Variants in LHFPL5 observed in about 807,000 individuals in gnomAD.
LHFPL5 encodes LHFPL tetraspan subfamily member 5.
Under a neutral mutation model 18.7 loss-of-function variants are expected in LHFPL5, and 12 were observed. That is an observed-to-expected ratio of 0.64 (90% confidence interval 0.41 to 1.04). LHFPL5 has a LOEUF of 1.04. LHFPL5 is among the 50% of genes least tolerant of loss of function. The pLI, the probability that LHFPL5 is intolerant of heterozygous loss-of-function variation, is 0.00. For synonymous variants in LHFPL5, 111 were observed against 120.2 expected (o/e 0.92, Z 0.50); for missense variants, 259 against 292.1 (o/e 0.89, Z 0.83).
intron 2 of LHFPL5, among the ~76,000 whole-genome samples, chr6:35,816,352 AAAAAAAAAAG>A (rs1252650001): frequency 1.5e-4 from 22 of 150,932 alleles, no homozygotes; most frequent in Admixed American, 2.6e-4. Flanking sequence ...TCTCAAAAAA[AAAAAAAAAAG>A]AAAAAAAAAG....
intron 2 of LHFPL5, among the ~76,000 whole-genome samples, chr6:35,816,894 G>C (rs150232886): frequency 6.6e-6 from 1 of 151,198 alleles, no homozygotes; most frequent in Non-Finnish European, 1.5e-5. Flanking sequence ...CTATTTAATA[G>C]GGGAAAGAAT....
At chr6:35,817,636 G>T (rs1296339116) in intron 2 of LHFPL5, among the ~76,000 whole-genome samples, 14 of 152,156 alleles carry the variant, frequency 9.2e-5, no homozygotes, top group Admixed American at 9.2e-4. Flanking sequence ...TTGTAAAAAT[G>T]CCAATCAAAT....
intron 1 of LHFPL5, among the ~76,000 whole-genome samples, chr6:35,808,594 T>C (rs1023088002): frequency 7.6e-6 from 1 of 130,882 alleles, no homozygotes; most frequent in Non-Finnish European, 1.6e-5. Flanking sequence ...TATATATATA[T>C]ATATATATAT....
At chr6:35,806,495 C>T (rs1422059147) in intron 1 of LHFPL5, among the ~76,000 whole-genome samples, 2 of 152,140 alleles carry the variant, frequency 1.3e-5, no homozygotes, top group African/African-American at 2.4e-5. Context: ...AACCCTAGCA[C>T]AAAGTAGTGA....
In LHFPL5 at chr6:35,823,477, A is replaced by ACACACACACTCT. The variant is rs1554147856; in HGVS notation, c.*513_*514insACACACACTCTC. On this transcript the variant is annotated 3_prime_UTR_variant, in exon 4 of 4. Transcript: ENST00000360215. ...CACACACACACACACACACACACAC[A>ACACACACACTCT]CTCTCTCTCTCTCTCAAACACACAC... The ACACACACACTCT allele has an allele frequency of 7.1e-6, 1 of 140,750 alleles. No individual in the cohort carries two copies. The highest frequency in any genetic ancestry group is 2.7e-5 in the African/African-American group (1 of 36,488). 8.7% of individuals were successfully genotyped at this position (140,750 alleles called of 1,614,324 possible). A position where few individuals can be genotyped will look rare whatever the true frequency, so the allele number is the denominator to read the frequency against.
At chr6:35,806,171 G>A in intron 1 of LHFPL5, 89 bp downstream of exon 1, 1 of 1,448,612 alleles carries the variant, frequency 6.9e-7, no homozygotes, top group Non-Finnish European at 9.4e-7. Context: ...AGGGCTCTGG[G>A]CCTTAAATTT....
chr6:35,817,999 T>C (rs1768792858), intron 2 of LHFPL5, among the ~76,000 whole-genome samples: 2 of 152,222 alleles, frequency 1.3e-5, no homozygotes, highest in African/African-American at 4.8e-5. Flanking sequence ...AAAATGTGTA[T>C]ATCCATGCAA....
chr6:35,810,364 G>T (rs1297114887), intron 1 of LHFPL5, among the ~76,000 whole-genome samples: 1 of 152,092 alleles, frequency 6.6e-6, no homozygotes, highest in Non-Finnish European at 1.5e-5. Context: ...TGTGAAGATG[G>T]GATAATAGAA....
At chr6:35,806,599 T>C (rs1166984669) in intron 1 of LHFPL5, among the ~76,000 whole-genome samples, 1 of 152,144 alleles carries the variant, frequency 6.6e-6, no homozygotes, top group Admixed American at 6.6e-5. Flanking sequence ...ATTCTCTCTC[T>C]CCCACTCCAA....
chr6:35,822,923 A>T (rs905730819), intron 3 of LHFPL5, 59 bp from the exon 4 acceptor site: 16 of 152,094 alleles, frequency 1.1e-4, no homozygotes, highest in African/African-American at 3.9e-4. Flanking sequence ...ATTGGTTTTT[A>T]AAATGTCAGA....
chr6:35,820,455 C>T (rs1768844721), intron 3 of LHFPL5, among the ~76,000 whole-genome samples: 1 of 152,162 alleles, frequency 6.6e-6, no homozygotes, highest in Non-Finnish European at 1.5e-5. Context: ...AATCCCAGCA[C>T]TTTGGGAGGC....
At chr6:35,806,122 C>T (rs1264163580) in intron 1 of LHFPL5, 40 bp downstream of exon 1, 5 of 1,602,170 alleles carry the variant, frequency 3.1e-6, no homozygotes, top group Admixed American at 1.7e-5. Flanking sequence ...GGGCCCACCC[C>T]GGGGCCACAG....
rs1333477425 is a variant in LHFPL5 at position 35,805,899 on chromosome 6, C to T, written c.229C>T (p.Leu77Phe). ...CGTGGGTAACGTGCTGTCCTCCGAG[C>T]TCATCTGCAAGGGCGGCCCCCTAGA... ...YCVGNVLSSE[L>F]ICKGGPLDFS... Residue 77 changes from leucine (L) to phenylalanine (F), a missense_variant, in exon 1 of 4, where the codon CTC becomes TTC. Transcript: ENST00000360215. The surrounding 1 kb of genome is among the most constrained non-coding windows in gnomAD (Gnocchi z 4.3). 5 of 1,614,260 alleles carry T rather than the reference C, an allele frequency of 3.1e-6. No individual in the cohort carries two copies. The East Asian group carries it at 8.9e-5, about 29-fold the overall frequency.
chr6:35,806,770 G>T (rs1768575553), intron 1 of LHFPL5, among the ~76,000 whole-genome samples: 1 of 152,140 alleles, frequency 6.6e-6, no homozygotes, highest in Non-Finnish European at 1.5e-5. Context: ...GGCAGCAAAT[G>T]GAGTGATATT....
In LHFPL5 at chr6:35,814,141, G is replaced by T. The variant is rs1231368158; in HGVS notation, c.413-405G>T. On this transcript the variant is annotated intron_variant, in intron 1 of 3. Transcript: ENST00000360215. The surrounding 1 kb of genome is among the most constrained non-coding windows in gnomAD (Gnocchi z 4.2). Reference sequence around the variant, plus strand: ...CTTATTTCACAGATGTTGTAAGTACGAAGAAATGTACATCTCAGCAGTGAT... The same window carrying T: ...CTTATTTCACAGATGTTGTAAGTACTAAGAAATGTACATCTCAGCAGTGAT... 6.6e-6 allele frequency among the ~76,000 whole-genome samples: 1 copy of T among 152,194 alleles called. No individual in the cohort carries two copies. Among genetic ancestry groups the T allele is most frequent in the Non-Finnish European group, 1.5e-5 (1 of 68,032 alleles).
At chr6:35,809,666 G>A (rs902036906) in intron 1 of LHFPL5, among the ~76,000 whole-genome samples, 1 of 152,110 alleles carries the variant, frequency 6.6e-6, no homozygotes, top group Non-Finnish European at 1.5e-5. Context: ...AGCACACCCA[G>A]CCAATTTTTG....
chr6:35,815,790 C>T (rs573502022), intron 2 of LHFPL5, among the ~76,000 whole-genome samples: 25 of 152,272 alleles, frequency 1.6e-4, no homozygotes, highest in Admixed American at 8.5e-4. Context: ...TGGCCAAGCC[C>T]GGGGCCCACT....
rs754711950 is a variant in LHFPL5 at position 35,805,659 on chromosome 6, G to T, written c.-12G>T. On this transcript the variant is annotated 5_prime_UTR_variant, in exon 1 of 4. Transcript: ENST00000360215. The surrounding 1 kb of genome is among the most constrained non-coding windows in gnomAD (Gnocchi z 4.3). ...CCCACGGGACCCCAGCCCAGGGCCT[G>T]CTGCCCTCACCATGGTGAAATTGCT... is the stretch of plus-strand genomic sequence containing the variant. 3 of 1,613,736 alleles carry T rather than the reference G, an allele frequency of 1.9e-6. No individual in the cohort carries two copies. Among genetic ancestry groups the T allele is most frequent in the Admixed American group, 3.3e-5 (2 of 60,006 alleles).
At chr6:35,812,774 G>A (rs966686429) in intron 1 of LHFPL5, among the ~76,000 whole-genome samples, 1 of 152,172 alleles carries the variant, frequency 6.6e-6, no homozygotes, top group African/African-American at 2.4e-5. Context: ...CTTAAGTATG[G>A]CTGGGCACGG....
Sources: gnomAD v4.1 joint callset for allele counts (sites outside exome capture counted in the v4.1 genomes callset) on GRCh38, gnomAD v4.1.1 for gene constraint, Gnocchi (gnomAD v3.1) non-coding constraint, MANE v1.5 for transcripts, NCBI Gene and HGNC (gene_info 2026-07-23, HGNC 2026-07-21) for gene names.